PIK3C2B: variants seen among roughly 807,000 people sequenced by gnomAD.
The protein encoded by PIK3C2B is phosphatidylinositol-4-phosphate 3-kinase catalytic subunit type 2 beta.
In PIK3C2B, 83 loss-of-function variants were observed where a neutral mutation model predicts 184.3. That is an observed-to-expected ratio of 0.45 (90% CI 0.38 to 0.54). PIK3C2B has a LOEUF of 0.54. Ranked by LOEUF, PIK3C2B falls within the 20% of genes least tolerant of loss-of-function variation. The probability of loss-of-function intolerance (pLI) is 0.00; values close to 1 mark genes in which losing one functional copy is unlikely to be tolerated. For synonymous variants in PIK3C2B, 779 were observed against 837.6 expected, an observed-to-expected ratio of 0.93 and a Z score of 1.21; for missense variants, 1,736 against 2,113.5, an observed-to-expected ratio of 0.82 and a Z score of 3.50.
At position 204,467,833 on chromosome 1, in the gene PIK3C2B, C is replaced by CAAAAAAAAAAAAAAAA. The variant is rs545904416; in HGVS notation, c.933+1021_933+1036dup. On this transcript the variant is annotated intron_variant, in intron 2 of 32. Coordinates refer to ENST00000684373, the MANE Select transcript of PIK3C2B (RefSeq NM_001377334.1). ...CTGGTGACAGAGTGAGACTCTGTCT[C>CAAAAAAAAAAAAAAAA]AAAAAAAAAAAAAAAAAGAAGGCAT... 2.3e-5 allele frequency among the ~76,000 whole-genome samples: 2 copies of CAAAAAAAAAAAAAAAA among 88,562 alleles called. 1 individual carries two copies. The highest frequency in any genetic ancestry group is 4.5e-5 in the Non-Finnish European group (2 of 44,536). 58.1% of individuals were successfully genotyped at this position (88,562 alleles called of 152,430 possible). A position where few individuals can be genotyped will look rare whatever the true frequency, so the allele number is the denominator to read the frequency against.
In PIK3C2B at chr1:204,441,517, A is replaced by G; in HGVS notation, c.3203T>C (p.Phe1068Ser). 6.2e-7 allele frequency: 1 copy of G among 1,613,464 alleles called. No individual in the cohort carries two copies. The highest frequency in any genetic ancestry group is 1.3e-5 in the African/African-American group (1 of 74,998). Residue 1068 changes from phenylalanine (F) to serine (S), a missense_variant, in exon 21 of 33, where the codon TTC becomes TCC. By Grantham distance (155) the Phe-to-Ser change is radical. This residue lies in a region of PIK3C2B where 289 missense variants were observed against 380.4 expected (regional missense o/e 0.76). Coordinates refer to ENST00000684373, the MANE Select transcript of PIK3C2B (RefSeq NM_001377334.1). ...NSNAVPLKLS[F>S]QNVDPLGENI... Reference sequence around the variant, plus strand: ...CTCACCCAGGGGATCCACATTTTGGAAGGAGAGTTTGAGGGGGACAGCATT... The same window carrying G: ...CTCACCCAGGGGATCCACATTTTGGGAGGAGAGTTTGAGGGGGACAGCATT...
intron 29 of PIK3C2B, among the ~76,000 whole-genome samples, chr1:204,429,178 T>A (rs1674906576): frequency 6.6e-6 from 1 of 152,116 alleles, no homozygotes; most frequent in Non-Finnish European, 1.5e-5. Flanking sequence ...CAGTGAGCTG[T>A]GATTGTGCCA....
chr1:204,467,881 C>T (rs1655947564), intron 2 of PIK3C2B, among the ~76,000 whole-genome samples: 1 of 147,010 alleles, frequency 6.8e-6, no homozygotes, highest in Non-Finnish European at 1.5e-5. Context: ...TGTCACTTGT[C>T]TCTTGACTCC....
intron 1 of PIK3C2B, among the ~76,000 whole-genome samples, chr1:204,490,999 A>G (rs750522013): frequency 8.5e-5 from 13 of 152,158 alleles, no homozygotes; most frequent in African/African-American, 3.1e-4. Flanking sequence ...ATGCATAGAA[A>G]AGCAGATGAG....
At chr1:204,468,823 A>C in intron 2 of PIK3C2B, 47 bp downstream of exon 2, 1 of 1,478,920 alleles carries the variant, frequency 6.8e-7, no homozygotes. Context: ...CCTGTTTCTG[A>C]AGGACATGGA....
chr1:204,475,344 A>AT (rs1656632758), intron 1 of PIK3C2B, among the ~76,000 whole-genome samples: 1 of 152,140 alleles, frequency 6.6e-6, no homozygotes, highest in Non-Finnish European at 1.5e-5. Context: ...CAACCAGTGT[A>AT]TATCTCAAAC....
At chr1:204,465,474 A>T (rs1279354463) in intron 2 of PIK3C2B, among the ~76,000 whole-genome samples, 155 bp from the exon 3 acceptor site, 1 of 152,222 alleles carries the variant, frequency 6.6e-6, no homozygotes, top group East Asian at 1.9e-4. Context: ...GACATCCGGG[A>T]ATACATGTAT....
At chr1:204,461,781 TG>T (rs1405324428) in intron 5 of PIK3C2B, among the ~76,000 whole-genome samples, 1 of 150,178 alleles carries the variant, frequency 6.7e-6, no homozygotes, top group Non-Finnish European at 1.5e-5. Context: ...AAGAGTGTGG[TG>T]GGGCTGGGGG....
chr1:204,460,505 C>T, intron 6 of PIK3C2B, 45 bp downstream of exon 6: 4 of 1,568,304 alleles, frequency 2.6e-6, no homozygotes, highest in Non-Finnish European at 3.5e-6. Context: ...TATTCCCATT[C>T]CACCTCCCCA....
chr1:204,434,697 C>T, intron 23 of PIK3C2B, 89 bp from the exon 24 acceptor site: 2 of 1,024,884 alleles, frequency 2.0e-6, no homozygotes, highest in South Asian at 3.3e-5. Flanking sequence ...ACTCAGCCAG[C>T]CCTGGCCTCT....
intron 6 of PIK3C2B, 52 bp downstream of exon 6, chr1:204,460,498 T>C: frequency 6.4e-7 from 1 of 1,560,250 alleles, no homozygotes; most frequent in South Asian, 1.1e-5. Flanking sequence ...TATATTGTAT[T>C]CCCATTCCAC....
At chr1:204,458,699 G>C (rs1655072700) in intron 8 of PIK3C2B, among the ~76,000 whole-genome samples, 1 of 152,016 alleles carries the variant, frequency 6.6e-6, no homozygotes, top group African/African-American at 2.4e-5. Context: ...TCACCATGTT[G>C]GCCAGGCTGG....
At chr1:204,468,522 G>A (rs1051661826) in intron 2 of PIK3C2B, among the ~76,000 whole-genome samples, 2 of 152,178 alleles carry the variant, frequency 1.3e-5, no homozygotes, top group South Asian at 4.1e-4. Context: ...CCGGTCCAGA[G>A]GGCCATTCAG....
At chr1:204,489,936 T>C (rs1337878287) in intron 1 of PIK3C2B, 3 of 395,638 alleles carry the variant, frequency 7.6e-6, no homozygotes, top group African/African-American at 2.1e-5. Flanking sequence ...CGCCATCTAG[T>C]ATGAGAGAAA....
intron 20 of PIK3C2B, 39 bp downstream of exon 20, chr1:204,442,487 C>G (rs1303531696): frequency 8.9e-6 from 12 of 1,354,384 alleles, no homozygotes; most frequent in Non-Finnish European, 1.2e-5. Flanking sequence ...TCCACTGAGC[C>G]CTCCCACTCT....
chr1:204,443,319 A>C (rs1194746562), intron 19 of PIK3C2B, 98 bp downstream of exon 19: 2 of 1,241,460 alleles, frequency 1.6e-6, no homozygotes, highest in East Asian at 5.0e-5. Context: ...AAAATCAAAA[A>C]TCGTCACGTG....
At chr1:204,456,906 A>ACC (rs1553304142) in intron 10 of PIK3C2B, 131 bp downstream of exon 10, 152 of 152,770 alleles carry the variant, frequency 9.9e-4, no homozygotes, top group Middle Eastern at 2.5e-3. Context: ...ACACACACAC[A>ACC]CCCACACACA....
At chr1:204,494,142 G>A (rs913967029) in intron 1 of PIK3C2B, among the ~76,000 whole-genome samples, 4 of 152,198 alleles carry the variant, frequency 2.6e-5, no homozygotes, top group African/African-American at 9.6e-5. Flanking sequence ...GAGTGGAGTG[G>A]GGTGAGGGGC....
chr1:204,466,160 G>C (rs1045028254), intron 2 of PIK3C2B, among the ~76,000 whole-genome samples: 1 of 152,236 alleles, frequency 6.6e-6, no homozygotes, highest in African/African-American at 2.4e-5. Context: ...AAGTGAGGGG[G>C]AGGGAGAGCT....
Sources: gnomAD v4.1 joint callset for allele counts (sites outside exome capture counted in the v4.1 genomes callset) on GRCh38, gnomAD v4.1.1 for gene constraint, gnomAD v4.1.1 regional missense constraint, MANE v1.5 for transcripts, NCBI Gene and HGNC (gene_info 2026-07-23, HGNC 2026-07-21) for gene names.